Variants in PHEX observed in about 807,000 individuals in gnomAD.
PHEX encodes the protein phosphate regulating endopeptidase X-linked, also known as phosphate-regulating neutral endopeptidase PHEX.
PHEX carries 16 observed loss-of-function variants against 68.0 expected under a neutral mutation model. The ratio of observed to expected loss-of-function variants is 0.24; its 90% CI spans 0.16 to 0.36. The LOEUF is 0.36. Ranked by LOEUF, PHEX falls within the 10% of genes least tolerant of loss-of-function variation. The probability of loss-of-function intolerance (pLI) is 1.00; values close to 1 mark genes in which losing one functional copy is unlikely to be tolerated. For missense variants in PHEX, 480 were observed against 575.5 expected, an observed-to-expected ratio of 0.83 and a Z score of 1.70; for synonymous variants, 208 against 205.1, an observed-to-expected ratio of 1.01 and a Z score of -0.12.
chrX:22,228,733 A>ACTTTACTTTT (rs59284478), intron 20 of PHEX, among the ~76,000 whole-genome samples: 4 of 106,718 alleles, frequency 3.7e-5, no homozygotes, highest in Non-Finnish European at 7.9e-5. Context: ...ACTTTACTTT[A>ACTTTACTTTT]AAAAAAAATT....
At chrX:22,194,400 C>T (rs1440002287) in intron 15 of PHEX, among the ~76,000 whole-genome samples, 27 of 111,518 alleles carry the variant, frequency 2.4e-4, no homozygotes, top group Non-Finnish European at 1.9e-4. Flanking sequence ...ACTTCCCCAC[C>T]GGGTTTCCTG....
In PHEX at chrX:22,221,653, G is replaced by T. The variant is rs755686699; in HGVS notation, c.1809G>T (p.Trp603Cys). Residue 603 changes from tryptophan (W) to cysteine (C), a missense_variant, in exon 18 of 22, where the codon TGG becomes TGT. Physicochemically the swap from Trp to Cys is radical, Grantham distance 215. Transcript: ENST00000379374. ...AAAATGGAAACCTGGATCCTTGGTG[G>T]TCTACTGAATCAGAAGAAAAGTTTA... ...YDKNGNLDPW[W>C]STESEEKFKE... The T allele has an allele frequency of 1.7e-6, 2 of 1,196,922 alleles. No individual in the cohort carries two copies. Among genetic ancestry groups the T allele is most frequent in the East Asian group, 5.9e-5 (2 of 33,800 alleles).
At chrX:22,191,071 G>A (rs750072167) in intron 15 of PHEX, among the ~76,000 whole-genome samples, 20 of 111,959 alleles carry the variant, frequency 1.8e-4, no homozygotes, top group African/African-American at 6.2e-4. Context: ...CTAGGCTGGA[G>A]TTCAGTGGTA....
At chrX:22,233,142 C>T (rs1203837116) in intron 20 of PHEX, among the ~76,000 whole-genome samples, 1 of 112,079 alleles carries the variant, frequency 8.9e-6, no homozygotes, top group African/African-American at 3.3e-5. Flanking sequence ...TCACTCTCTC[C>T]TGGCTTGTAG....
intron 3 of PHEX, among the ~76,000 whole-genome samples, chrX:22,050,722 T>A (rs1364630013): frequency 9.0e-6 from 1 of 111,504 alleles, no homozygotes; most frequent in Non-Finnish European, 1.9e-5. Context: ...AGATAGTTAT[T>A]CTTTTTTGTG....
intron 20 of PHEX, among the ~76,000 whole-genome samples, chrX:22,229,693 C>CTCTTCA (rs1396852873): frequency 8.9e-6 from 1 of 111,961 alleles, no homozygotes; most frequent in African/African-American, 3.2e-5. Flanking sequence ...TTTAGGATGC[C>CTCTTCA]TCTTCACTCT....
At position 22,247,842 on chromosome X, in the gene PHEX, GT is replaced by G; in HGVS notation, c.2148-4del. 1 of 1,154,596 alleles carries G rather than the reference GT, an allele frequency of 8.7e-7. No individual in the cohort carries two copies. Among genetic ancestry groups the G allele is most frequent in the Non-Finnish European group, 1.2e-6 (1 of 843,526 alleles). On this transcript the variant is annotated splice_region_variant and splice_polypyrimidine_tract_variant and intron_variant, in intron 21 of 21. Transcript: ENST00000379374. ...TATATGACATATGCTTTGACATATC[GT>G]TTTTCAGGGTCAATGGTGCAATTAG...
intron 20 of PHEX, among the ~76,000 whole-genome samples, chrX:22,244,691 C>T (rs886823419): frequency 4.5e-5 from 5 of 111,903 alleles, no homozygotes; most frequent in East Asian, 2.8e-4. Flanking sequence ...AAAAGACATA[C>T]GAGGATATGT....
intron 9 of PHEX, 102 bp from the exon 10 acceptor site, chrX:22,111,365 G>A: frequency 1.5e-6 from 1 of 654,929 alleles, no homozygotes; most frequent in Non-Finnish European, 2.6e-6. Context: ...TGAGTAAGAG[G>A]TCCCTCGATG....
chrX:22,072,304 G>C (rs930499346), intron 3 of PHEX, among the ~76,000 whole-genome samples: 5 of 111,126 alleles, frequency 4.5e-5, no homozygotes, highest in African/African-American at 1.6e-4. Flanking sequence ...CCAGCTACTT[G>C]AGAGGCTGAG....
At chrX:22,216,499 A>G (rs7060935) in intron 16 of PHEX, among the ~76,000 whole-genome samples, 297 of 49,996 alleles carry the variant, frequency 5.9e-3, no homozygotes, top group African/African-American at 0.033. Context: ...ATGCTTATTT[A>G]TTTATTTATT....
chrX:22,185,756 G>GTTTTTTGTT (rs1207128506), intron 14 of PHEX, among the ~76,000 whole-genome samples: 3 of 87,796 alleles, frequency 3.4e-5, no homozygotes, highest in Admixed American at 1.2e-4. Context: ...CTCGTTTGTG[G>GTTTTTTGTT]TTTTTTTTTT....
At chrX:22,215,970 A>G (rs1935073010) in intron 16 of PHEX, among the ~76,000 whole-genome samples, 1 of 111,949 alleles carries the variant, frequency 8.9e-6, no homozygotes, top group South Asian at 3.8e-4. Flanking sequence ...TAGAGGCTAC[A>G]CTAGACCAAT....
intron 15 of PHEX, among the ~76,000 whole-genome samples, chrX:22,209,726 G>T (rs770627181): frequency 2.4e-5 from 1 of 40,922 alleles, no homozygotes; most frequent in East Asian, 5.1e-4. Context: ...TGCTCCCTCT[G>T]CTCCCTCTGC....
chrX:22,213,049 T>G, intron 16 of PHEX, 91 bp downstream of exon 16: 1 of 731,273 alleles, frequency 1.4e-6, no homozygotes, highest in Non-Finnish European at 2.2e-6. Flanking sequence ...TCAAAGGTTA[T>G]TCAGCAGAAA....
chrX:22,035,670 C>G (rs1926972397), intron 1 of PHEX, among the ~76,000 whole-genome samples: 1 of 111,282 alleles, frequency 9.0e-6, no homozygotes, highest in Admixed American at 9.6e-5. Context: ...TTTGCTGACC[C>G]CTGCTTTCTG....
At chrX:22,127,702 C>CT (rs1331684282) in intron 11 of PHEX, among the ~76,000 whole-genome samples, 95 of 106,097 alleles carry the variant, frequency 9.0e-4, no homozygotes, top group African/African-American at 3.2e-3. Flanking sequence ...GTAAAGTCTG[C>CT]CAAAAAAAAA....
At chrX:22,034,277 C>T (rs1392741274) in intron 1 of PHEX, among the ~76,000 whole-genome samples, 1 of 111,910 alleles carries the variant, frequency 8.9e-6, no homozygotes, top group Admixed American at 9.5e-5. Context: ...CTACAGGCTA[C>T]GTGCAACGTG....
intron 12 of PHEX, among the ~76,000 whole-genome samples, chrX:22,149,866 A>G (rs1030868281): frequency 8.9e-6 from 1 of 112,981 alleles, no homozygotes; most frequent in Non-Finnish European, 1.9e-5. Context: ...TCCATTAAAA[A>G]TGATTCATGA....
Sources: allele counts gnomAD v4.1 joint callset (sites outside exome capture counted in the v4.1 genomes callset), GRCh38; gene constraint gnomAD v4.1.1; transcripts MANE v1.5; gene names NCBI Gene and HGNC (gene_info 2026-07-23, HGNC 2026-07-21).